Variants in CACNA1C observed in about 807,000 individuals in gnomAD.
CACNA1C encodes calcium voltage-gated channel subunit alpha1 C.
In CACNA1C, 30 loss-of-function variants were observed where a neutral mutation model predicts 229.0. That is an observed-to-expected ratio of 0.13 (90% CI 0.10 to 0.18). The LOEUF is 0.18. CACNA1C is among the 10% of genes least tolerant of loss of function. The pLI is 1.00. For synonymous variants in CACNA1C, 1,114 were observed against 1,132.5 expected (o/e 0.98, Z 0.33); for missense variants, 1,658 against 2,845.0 (o/e 0.58, Z 9.49).
intron 3 of CACNA1C, among the ~76,000 whole-genome samples, chr12:2,165,673 A>T (rs890976610): frequency 5.9e-5 from 9 of 152,216 alleles, no homozygotes; most frequent in Admixed American, 5.2e-4. Context: ...GTTTAAGTGG[A>T]AAATGCATGG....
intron 9 of CACNA1C, among the ~76,000 whole-genome samples, chr12:2,541,620 A>G (rs1349740870): frequency 1.3e-5 from 2 of 152,056 alleles, no homozygotes; most frequent in Admixed American, 6.5e-5. Context: ...TGAGGCATCA[A>G]CCCTCTTCCT....
chr12:2,355,445 G>T (rs778791151), intron 3 of CACNA1C, among the ~76,000 whole-genome samples: 1 of 152,112 alleles, frequency 6.6e-6, no homozygotes, highest in Non-Finnish European at 1.5e-5. Flanking sequence ...ATTTTCAGAA[G>T]TTCACTGTAG....
At chr12:2,355,047 A>T (rs1012368883) in intron 3 of CACNA1C, among the ~76,000 whole-genome samples, 7 of 152,000 alleles carry the variant, frequency 4.6e-5, no homozygotes, top group Non-Finnish European at 1.0e-4. Flanking sequence ...GTAAGGTTGG[A>T]TATTAAACCT....
intron 37 of CACNA1C, among the ~76,000 whole-genome samples, chr12:2,667,534 AAC>A (rs1240156361): frequency 6.6e-6 from 1 of 152,152 alleles, no homozygotes; most frequent in Non-Finnish European, 1.5e-5. Flanking sequence ...TCCAAAAACA[AAC>A]AAACAACAAC....
chr12:2,536,505 C>T (rs752573225), intron 9 of CACNA1C, among the ~76,000 whole-genome samples: 1 of 152,174 alleles, frequency 6.6e-6, no homozygotes, highest in African/African-American at 2.4e-5. Context: ...GCTGATGACC[C>T]TCTCTGGACC....
intron 1 of CACNA1C, among the ~76,000 whole-genome samples, chr12:1,986,017 G>A (rs1161901564): frequency 6.6e-6 from 1 of 152,142 alleles, no homozygotes; most frequent in East Asian, 1.9e-4. Context: ...GTTTCACCGT[G>A]TTAGCCAGGA....
At chr12:2,021,929 C>T (rs530395809) in intron 1 of CACNA1C, among the ~76,000 whole-genome samples, 19 of 152,270 alleles carry the variant, frequency 1.2e-4, no homozygotes, top group Admixed American at 4.6e-4. Context: ...ACATACGTTT[C>T]GGGGGACACA....
At position 2,109,562 on chromosome 12, in the gene CACNA1C, G is replaced by A. The variant is rs567345216; in HGVS notation, c.50-5662G>A. Among the ~76,000 whole-genome samples, 4 of 152,288 alleles carry A rather than the reference G, an allele frequency of 2.6e-5. No homozygotes were observed. In the South Asian group the frequency reaches 8.3e-4, roughly 32 times the overall value. On this transcript the variant is annotated intron_variant, in intron 1 of 46. Coordinates refer to ENST00000399655, the MANE Select transcript of CACNA1C (RefSeq NM_000719.7). ...AGGTGAACTCAGAGAAGTGGGCCAG[G>A]GCCAGTCTGTGCAGGTGTTGTAAGC...
chr12:2,595,368 C>T lies in CACNA1C; in HGVS notation c.2664-506C>T, dbSNP rs1308903411. Among the ~76,000 whole-genome samples the T allele has an allele frequency of 1.3e-5, 2 of 152,110 alleles. No individual in the cohort carries two copies. Among genetic ancestry groups the T allele is most frequent in the African/African-American group, 4.8e-5 (2 of 41,418 alleles). On this transcript the variant is annotated intron_variant, in intron 19 of 46. Transcript: ENST00000399655. This position sits in a 1 kb window ranked among gnomAD's most constrained non-coding sequence, Gnocchi z 4.1. Reference sequence around the variant, plus strand: ...AGGAACCTAGCATTTTTGGTGCTATCACTGAGTGCCTAGAAGCTCAGTTGG... The same window carrying T: ...AGGAACCTAGCATTTTTGGTGCTATTACTGAGTGCCTAGAAGCTCAGTTGG...
chr12:2,235,140 C>T (rs889276536), intron 3 of CACNA1C, among the ~76,000 whole-genome samples: 1 of 152,204 alleles, frequency 6.6e-6, no homozygotes, highest in African/African-American at 2.4e-5. Context: ...CAGTGTTCTC[C>T]CAGCCCCTTC....
chr12:2,007,935 G>A (rs532151704), intron 1 of CACNA1C, among the ~76,000 whole-genome samples: 7 of 151,644 alleles, frequency 4.6e-5, no homozygotes, highest in Non-Finnish European at 7.4e-5. Context: ...TATTTACTAC[G>A]TTACATATAC....
chr12:2,232,901 T>A (rs144495974), intron 3 of CACNA1C, among the ~76,000 whole-genome samples: 2 of 152,350 alleles, frequency 1.3e-5, no homozygotes, highest in East Asian at 3.9e-4. Flanking sequence ...GAGCGCTTTC[T>A]GGTTGGCTTC....
At chr12:2,556,250 G>T (rs572236200) in intron 10 of CACNA1C, among the ~76,000 whole-genome samples, 181 of 152,168 alleles carry the variant, frequency 1.2e-3, no homozygotes, top group Non-Finnish European at 1.8e-3. Flanking sequence ...ATGACCTAGG[G>T]AGCCTCAGGA....
chr12:2,664,613 G>A (rs1232370406), intron 34 of CACNA1C, among the ~76,000 whole-genome samples: 3 of 152,198 alleles, frequency 2.0e-5, no homozygotes, highest in Non-Finnish European at 4.4e-5. Flanking sequence ...CGGAAAAGGT[G>A]CAATTTGTTA....
chr12:2,089,890 G>A (rs192076318), intron 1 of CACNA1C, among the ~76,000 whole-genome samples: 11 of 152,106 alleles, frequency 7.2e-5, no homozygotes, highest in South Asian at 2.1e-4. Context: ...TTAGCCGGGC[G>A]TGGTGGCAGG....
intron 3 of CACNA1C, among the ~76,000 whole-genome samples, chr12:2,260,766 C>T (rs1307056325): frequency 1.3e-5 from 2 of 152,134 alleles, no homozygotes; most frequent in African/African-American, 4.8e-5. Flanking sequence ...ATTATATATA[C>T]CTTGCAGGGC....
At chr12:1,986,667 AT>A (rs71057813) in intron 1 of CACNA1C, among the ~76,000 whole-genome samples, 3 of 149,784 alleles carry the variant, frequency 2.0e-5, no homozygotes, top group African/African-American at 2.5e-5. Flanking sequence ...AGGTTTTGTT[AT>A]TTTTTTTTTC....
intron 3 of CACNA1C, among the ~76,000 whole-genome samples, chr12:2,374,617 ACATAG>A (rs2097981275): frequency 6.6e-6 from 1 of 152,204 alleles, no homozygotes; most frequent in Non-Finnish European, 1.5e-5. Flanking sequence ...GCTTACACCC[ACATAG>A]CAGCTCCTAA....
intron 3 of CACNA1C, among the ~76,000 whole-genome samples, chr12:2,195,911 A>G (rs2097387437): frequency 6.6e-6 from 1 of 152,118 alleles, no homozygotes; most frequent in South Asian, 2.1e-4. Flanking sequence ...CCTTTGGGAG[A>G]AAAAGACTCC....
Sources: allele counts gnomAD v4.1 joint callset (sites outside exome capture counted in the v4.1 genomes callset), GRCh38; gene constraint gnomAD v4.1.1; non-coding constraint Gnocchi (gnomAD v3.1); transcripts MANE v1.5; gene names NCBI Gene and HGNC (gene_info 2026-07-23, HGNC 2026-07-21).